Variants in PTPN13 observed in about 807,000 individuals in gnomAD.
PTPN13 encodes the protein tyrosine-protein phosphatase non-receptor type 13.
In PTPN13, 191 loss-of-function variants were observed where a neutral mutation model predicts 284.0. The observed-to-expected ratio is 0.67, with a 90% CI of 0.60 to 0.76. The LOEUF is 0.76. Among genes scored for constraint, PTPN13 ranks in the 30% least tolerant of loss-of-function variants. PTPN13 has a pLI of 0.00. For synonymous variants in PTPN13, 986 were observed against 1,022.3 expected (o/e 0.96, Z 0.68); for missense variants, 2,797 against 2,939.9 (o/e 0.95, Z 1.12).
At chr4:86,598,125 T>C (rs1266393373) in intron 1 of PTPN13, among the ~76,000 whole-genome samples, 2 of 151,686 alleles carry the variant, frequency 1.3e-5, no homozygotes, top group African/African-American at 4.8e-5. Flanking sequence ...AATATATACT[T>C]CTCAAGGCTT....
rs566166918 is a variant in PTPN13, at chr4:86,755,559, G to A, written c.3223+2494G>A. ...AAACCACGAACTATAGATGGTCACC[G>A]ACTTATCATGGTTTGACTTTACAGT... On this transcript the variant is annotated intron_variant, in intron 20 of 47. Transcript: ENST00000411767. 3.4e-4 allele frequency among the ~76,000 whole-genome samples: 52 copies of A among 152,114 alleles called. 1 individual carries two copies. Among genetic ancestry groups the A allele is most frequent in the African/African-American group, 1.2e-3 (49 of 41,548 alleles).
At chr4:86,630,048 A>G (rs529011487) in intron 1 of PTPN13, among the ~76,000 whole-genome samples, 2 of 152,196 alleles carry the variant, frequency 1.3e-5, no homozygotes, top group South Asian at 2.1e-4. Flanking sequence ...TTACAGGCAT[A>G]AGTCACTGCA....
chr4:86,635,313 A>G lies in PTPN13; in HGVS notation c.57A>G (p.Glu19=). 6.2e-7 allele frequency: 1 copy of G among 1,608,308 alleles called. No individual in the cohort carries two copies. The highest frequency in any genetic ancestry group is 8.5e-7 in the Non-Finnish European group (1 of 1,177,596). ...TTCGGGGTGGACCACTTCAGGAGGA[A>G]GAAATATGGGCTGTATTAAATCAAA... is the stretch of plus-strand genomic sequence containing the variant. ...LEVRGGPLQE[E]EIWAVLNQSA... Residue 19 remains glutamate, a synonymous_variant, in exon 2 of 48, where the codon GAA becomes GAG. Transcript: ENST00000411767.
chr4:86,667,077 C>T (rs1406723225), intron 2 of PTPN13, among the ~76,000 whole-genome samples: 1 of 152,268 alleles, frequency 6.6e-6, no homozygotes, highest in African/African-American at 2.4e-5. Flanking sequence ...TGAGGACTTC[C>T]TTACTCTCAC....
chr4:86,755,083 T>G (rs1737820285), intron 20 of PTPN13, among the ~76,000 whole-genome samples: 1 of 152,074 alleles, frequency 6.6e-6, no homozygotes, highest in African/African-American at 2.4e-5. Context: ...GACCTCTTAC[T>G]CTAATTTCAA....
At chr4:86,754,593 C>T (rs1048482200) in intron 20 of PTPN13, among the ~76,000 whole-genome samples, 2 of 151,982 alleles carry the variant, frequency 1.3e-5, no homozygotes, top group African/African-American at 4.8e-5. Flanking sequence ...CAAAGGCAAT[C>T]TGTTTCTAGA....
At position 86,608,474 on chromosome 4, in the gene PTPN13, G is replaced by C. The variant is rs148424116; in HGVS notation, c.-6+13685G>C. ...TAGTACATGCTTATAAAATTAGGCT[G>C]GGTTGCTGCTTTACAAAGATGATTA... On this transcript the variant is annotated intron_variant, in intron 1 of 47. Transcript: ENST00000411767. 1.5e-3 allele frequency among the ~76,000 whole-genome samples: 221 copies of C among 152,138 alleles called. 2 individuals carry two copies. Among genetic ancestry groups the C allele is most frequent in the African/African-American group, 5.0e-3 (209 of 41,538 alleles).
intron 10 of PTPN13, among the ~76,000 whole-genome samples, chr4:86,731,278 C>T (rs1327103709): frequency 2.0e-5 from 3 of 152,174 alleles, no homozygotes; most frequent in Admixed American, 6.5e-5. Flanking sequence ...AGTCTTTTCT[C>T]AACCCTTCTC....
chr4:86,749,207 C>T (rs971403438), intron 17 of PTPN13, among the ~76,000 whole-genome samples: 1 of 151,828 alleles, frequency 6.6e-6, no homozygotes, highest in African/African-American at 2.4e-5. Flanking sequence ...TGAAACAATC[C>T]AAGAATCTAA....
At chr4:86,632,649 C>T (rs113301714) in intron 1 of PTPN13, among the ~76,000 whole-genome samples, 10,408 of 151,768 alleles carry the variant, frequency 0.069, 479 homozygotes, top group Non-Finnish European at 0.1. Flanking sequence ...TCTTTCTCCT[C>T]TTCTTTCCCT....
In PTPN13 at chr4:86,809,760, C is replaced by T; in HGVS notation, c.7084-9C>T. The T allele has an allele frequency of 6.2e-7, 1 of 1,609,620 alleles. No individual in the cohort carries two copies. Among genetic ancestry groups the T allele is most frequent in the Non-Finnish European group, 8.5e-7 (1 of 1,175,934 alleles). ...GTCATGATCCACTTATTCTGTTATA[C>T]AATTTCAGACCAGAGAGGTGCGCCA... On this transcript the variant is annotated splice_polypyrimidine_tract_variant and intron_variant, in intron 45 of 47. Transcript: ENST00000411767.
intron 4 of PTPN13, among the ~76,000 whole-genome samples, chr4:86,687,511 AG>A (rs2148953003): frequency 6.6e-6 from 1 of 152,328 alleles, no homozygotes; most frequent in African/African-American, 2.4e-5. Flanking sequence ...AAAAATAACT[AG>A]GTGTGGTTTT....
At chr4:86,774,965 CATT>C (rs1018847141) in intron 33 of PTPN13, among the ~76,000 whole-genome samples, 2 of 151,970 alleles carry the variant, frequency 1.3e-5, no homozygotes, top group African/African-American at 4.8e-5. Context: ...AGGGATTTAA[CATT>C]ATTATTTCAT....
chr4:86,734,713 G>A (rs1735301841), intron 13 of PTPN13, 24 bp from the exon 14 acceptor site: 2 of 1,597,690 alleles, frequency 1.3e-6, no homozygotes, highest in Non-Finnish European at 1.7e-6. Context: ...AGGCCAAGAT[G>A]TCTGTGTGTG....
chr4:86,635,222 C>A, intron 1 of PTPN13, 30 bp from the exon 2 acceptor site: 4 of 1,563,316 alleles, frequency 2.6e-6, no homozygotes, highest in Non-Finnish European at 3.5e-6. Context: ...GTTGCTGATG[C>A]ATAGACCATC....
intron 7 of PTPN13, among the ~76,000 whole-genome samples, chr4:86,715,006 GA>G (rs1009922027): frequency 1.3e-5 from 2 of 151,588 alleles, no homozygotes; most frequent in African/African-American, 4.8e-5. Flanking sequence ...AAAGGTTAAG[GA>G]AAAAAAAGAT....
chr4:86,737,561 G>A (rs529242843), intron 15 of PTPN13, among the ~76,000 whole-genome samples: 7 of 151,446 alleles, frequency 4.6e-5, no homozygotes, highest in South Asian at 4.2e-4. Context: ...AGCACATTTC[G>A]AATACATAAA....
At chr4:86,767,794 G>T in intron 27 of PTPN13, 23 bp from the exon 28 acceptor site, 1 of 1,483,600 alleles carries the variant, frequency 6.7e-7, no homozygotes, top group Non-Finnish European at 9.1e-7. Context: ...CTTAATTAAT[G>T]AAATGCTATT....
intron 23 of PTPN13, 112 bp downstream of exon 23, chr4:86,759,185 A>G: frequency 3.6e-6 from 4 of 1,118,040 alleles, no homozygotes; most frequent in Non-Finnish European, 5.0e-6. Flanking sequence ...ATGCAACTTA[A>G]GTAAACTGTG....
Sources: allele counts gnomAD v4.1 joint callset (sites outside exome capture counted in the v4.1 genomes callset), GRCh38; gene constraint gnomAD v4.1.1; transcripts MANE v1.5; gene names NCBI Gene and HGNC (gene_info 2026-07-23, HGNC 2026-07-21).